Variants in GABBR2 observed in about 807,000 individuals in gnomAD.
GABBR2 encodes G-protein coupled receptor 51.
GABBR2 carries 23 observed loss-of-function variants against 105.6 expected under a neutral mutation model. The observed-to-expected ratio is 0.22, with a 90% CI of 0.16 to 0.31. GABBR2 has a LOEUF of 0.31. Among genes scored for constraint, GABBR2 ranks in the 10% least tolerant of loss-of-function variants. GABBR2 has a pLI of 1.00. For missense variants in GABBR2, 734 were observed against 1,245.5 expected, an observed-to-expected ratio of 0.59 and a Z score of 6.18; for synonymous variants, 478 against 499.7, an observed-to-expected ratio of 0.96 and a Z score of 0.58.
chr9:98,698,182 A>T (rs1045018296), intron 1 of GABBR2, among the ~76,000 whole-genome samples: 2 of 152,202 alleles, frequency 1.3e-5, no homozygotes, highest in African/African-American at 4.8e-5. Context: ...ATTTTATCTG[A>T]ACAGTGACTG....
chr9:98,306,379 G>T lies in GABBR2; in HGVS notation c.2005-34C>A. On this transcript the variant is annotated intron_variant, in intron 14 of 18. Coordinates refer to ENST00000259455, the MANE Select transcript of GABBR2 (RefSeq NM_005458.8). The surrounding 1 kb of genome is among the most constrained non-coding windows in gnomAD (Gnocchi z 5.4). The stretch of plus-strand genomic sequence containing the variant: ...GTGAACAGAAAGGGGAGAGATGATC[G>T]TTACCAAGGGGTGGCACACACAGGC... 7.0e-7 allele frequency: 1 copy of T among 1,435,482 alleles called. No homozygotes were observed. The highest frequency in any genetic ancestry group is 9.6e-7 in the Non-Finnish European group (1 of 1,037,708). 88.9% of individuals were successfully genotyped at this position (1,435,482 alleles called of 1,614,324 possible).
Position 98,362,742 on chromosome 9 carries a change from T to C in GABBR2, c.1866A>G (p.Arg622=). 6.2e-7 allele frequency: 1 copy of C among 1,601,816 alleles called. No individual in the cohort carries two copies. The highest frequency in any genetic ancestry group is 8.5e-7 in the Non-Finnish European group (1 of 1,174,954). The part of the protein sequence containing the change: ...LICWQAVDPL[R]RTVEKYSMEP... Reference sequence around the variant, plus strand: ...CCATGCTGTACTTCTCCACTGTCCTTCGCAGGGGGTCCACAGCCTGCCAGC... The same window carrying C: ...CCATGCTGTACTTCTCCACTGTCCTCCGCAGGGGGTCCACAGCCTGCCAGC... The change falls in exon 13 of 19, where the codon CGA becomes CGG. Residue 622 remains arginine (R), a synonymous_variant. Transcript: ENST00000259455.
At chr9:98,523,044 T>C (rs945879471) in intron 3 of GABBR2, among the ~76,000 whole-genome samples, 5 of 152,172 alleles carry the variant, frequency 3.3e-5, no homozygotes, top group Non-Finnish European at 7.4e-5. Flanking sequence ...AATTGTAGCA[T>C]AGTTTTATTA....
chr9:98,591,910 C>T (rs899609916), intron 1 of GABBR2, among the ~76,000 whole-genome samples: 2 of 152,238 alleles, frequency 1.3e-5, no homozygotes, highest in Non-Finnish European at 2.9e-5. Context: ...ATTTGTCATT[C>T]AGCAGAGTTT....
chr9:98,386,169 C>A (rs1832068549), intron 10 of GABBR2, among the ~76,000 whole-genome samples: 1 of 151,582 alleles, frequency 6.6e-6, no homozygotes, highest in African/African-American at 2.4e-5. Context: ...TCAGCTTCTT[C>A]ATCCATTAAT....
rs1383362543 is a variant in GABBR2, at chr9:98,519,232, G to A, written c.630+22641C>T. On this transcript the variant is annotated intron_variant, in intron 3 of 18. Transcript: ENST00000259455. ...GGCTCAGTCAGCACTGGCTGAATGA[G>A]GGAATGAATGAGACCACAGGACACC... Among the ~76,000 whole-genome samples the A allele has an allele frequency of 2.6e-5, 4 of 152,220 alleles. 1 individual carries two copies. Among genetic ancestry groups the A allele is most frequent in the Admixed American group, 2.6e-4 (4 of 15,288 alleles).
chr9:98,570,324 C>T (rs1383768332), intron 2 of GABBR2, among the ~76,000 whole-genome samples: 1 of 152,210 alleles, frequency 6.6e-6, no homozygotes, highest in Non-Finnish European at 1.5e-5. Flanking sequence ...GCCACGGCTG[C>T]CTTTTAAAGG....
At chr9:98,327,240 T>C (rs1830939285) in intron 13 of GABBR2, among the ~76,000 whole-genome samples, 1 of 152,164 alleles carries the variant, frequency 6.6e-6, no homozygotes, top group African/African-American at 2.4e-5. Flanking sequence ...GTTTAGATCC[T>C]CATTATGTCT....
intron 4 of GABBR2, among the ~76,000 whole-genome samples, chr9:98,481,364 C>T (rs1258167185): frequency 6.6e-6 from 1 of 152,204 alleles, no homozygotes; most frequent in Non-Finnish European, 1.5e-5. Context: ...TAACTTTCTT[C>T]CACACTTTAC....
At position 98,454,400 on chromosome 9, in the gene GABBR2, C is replaced by G. The variant is rs1445065272; in HGVS notation, c.1000-183G>C. On this transcript the variant is annotated intron_variant, in intron 6 of 18. Coordinates refer to ENST00000259455, the MANE Select transcript of GABBR2 (RefSeq NM_005458.8). This position sits in a 1 kb window ranked among gnomAD's most constrained non-coding sequence, Gnocchi z 4.6. ...CATAAGGTGGGTACTGTTATTGTCC[C>G]CATTTTACAGACCCCCCATTTTCAG... Among the ~76,000 whole-genome samples the G allele has an allele frequency of 6.6e-6, 1 of 152,064 alleles. No homozygotes were observed.
intron 1 of GABBR2, among the ~76,000 whole-genome samples, chr9:98,687,012 G>C (rs1035647236): frequency 6.6e-6 from 1 of 151,906 alleles, no homozygotes; most frequent in South Asian, 2.1e-4. Flanking sequence ...ACCTTCCCCT[G>C]CACTTTAACC....
chr9:98,332,618 G>A (rs7031028), intron 13 of GABBR2, among the ~76,000 whole-genome samples: 3,224 of 152,284 alleles, frequency 0.021, 119 homozygotes, highest in African/African-American at 0.074. Flanking sequence ...ACAGTGCAGG[G>A]GCCTGGGCTG....
At chr9:98,642,430 G>T (rs2131838218) in intron 1 of GABBR2, among the ~76,000 whole-genome samples, 1 of 152,354 alleles carries the variant, frequency 6.6e-6, no homozygotes, top group East Asian at 1.9e-4. Context: ...GCCGTCCTAA[G>T]AATCTTCTTG....
chr9:98,347,014 G>A (rs1476816802), intron 13 of GABBR2, among the ~76,000 whole-genome samples: 2 of 152,012 alleles, frequency 1.3e-5, no homozygotes, highest in African/African-American at 4.8e-5. Flanking sequence ...CCATATCTTA[G>A]GAACTGTGAA....
At chr9:98,487,600 C>G (rs866996765) in intron 4 of GABBR2, among the ~76,000 whole-genome samples, 14 of 146,726 alleles carry the variant, frequency 9.5e-5, no homozygotes, top group South Asian at 4.6e-4. Flanking sequence ...CGTGGAGAAA[C>G]CCTGTCTCTA....
intron 13 of GABBR2, among the ~76,000 whole-genome samples, chr9:98,358,626 A>T (rs575620488): frequency 2.6e-5 from 4 of 152,314 alleles, no homozygotes; most frequent in South Asian, 4.1e-4. Flanking sequence ...GGAGTCCCTC[A>T]CAGGGCCTGA....
intron 2 of GABBR2, 146 bp downstream of exon 2, chr9:98,577,789 G>A (rs1241772201): frequency 5.5e-6 from 4 of 728,396 alleles, no homozygotes; most frequent in Non-Finnish European, 8.8e-6. Context: ...GGCCAGCAGT[G>A]AAAGGCTGTG....
At chr9:98,507,628 C>A (rs904588125) in intron 3 of GABBR2, among the ~76,000 whole-genome samples, 1 of 152,210 alleles carries the variant, frequency 6.6e-6, no homozygotes, top group Non-Finnish European at 1.5e-5. Flanking sequence ...GAAACTGATA[C>A]AATAAGCTTT....
intron 2 of GABBR2, among the ~76,000 whole-genome samples, chr9:98,573,058 C>T (rs1251875962): frequency 6.6e-6 from 1 of 152,174 alleles, no homozygotes; most frequent in Non-Finnish European, 1.5e-5. Context: ...CAGTCAGGGC[C>T]ACACTGTGAG....
Sources: gnomAD v4.1 joint callset for allele counts (sites outside exome capture counted in the v4.1 genomes callset) on GRCh38, gnomAD v4.1.1 for gene constraint, Gnocchi (gnomAD v3.1) non-coding constraint, MANE v1.5 for transcripts, NCBI Gene and HGNC (gene_info 2026-07-23, HGNC 2026-07-21) for gene names.